Variants in SOX5 observed in about 807,000 individuals in gnomAD.
The protein encoded by SOX5 is transcription factor SOX-5.
In SOX5, 9 loss-of-function variants were observed where a neutral mutation model predicts 92.0. The ratio of observed to expected loss-of-function variants is 0.10; its 90% confidence interval spans 0.06 to 0.17. The LOEUF (loss-of-function observed/expected upper bound fraction) is 0.17, where lower values mean the gene tolerates loss of function less well. SOX5 is among the 10% of genes least tolerant of loss of function. The pLI, the probability that SOX5 is intolerant of heterozygous loss-of-function variation, is 1.00. For synonymous variants in SOX5, 344 were observed against 336.3 expected (o/e 1.02, Z -0.25); for missense variants, 642 against 944.5 (o/e 0.68, Z 4.20).
chr12:24,306,073 G>A (rs946905265), intron 2 of SOX5, among the ~76,000 whole-genome samples: 1 of 152,156 alleles, frequency 6.6e-6, no homozygotes, highest in Non-Finnish European at 1.5e-5. Flanking sequence ...TTCAGCAGGT[G>A]CAAATTGTGT....
intron 2 of SOX5, among the ~76,000 whole-genome samples, chr12:24,318,229 A>G (rs796915418): frequency 8.5e-5 from 13 of 152,232 alleles, no homozygotes; most frequent in African/African-American, 2.6e-4. Context: ...ATAAAATAAA[A>G]TAAAACAAAT....
chr12:23,696,040 T>C (rs1392035779), intron 6 of SOX5, among the ~76,000 whole-genome samples: 2 of 151,576 alleles, frequency 1.3e-5, no homozygotes, highest in Non-Finnish European at 2.9e-5. Flanking sequence ...TTCTTATATA[T>C]TGCTGGACTT....
At chr12:23,937,408 T>C (rs562903018) in intron 1 of SOX5, among the ~76,000 whole-genome samples, 50 of 151,050 alleles carry the variant, frequency 3.3e-4, no homozygotes, top group African/African-American at 1.2e-3. Context: ...TTCCTATCCA[T>C]AGCATGATTT....
intron 4 of SOX5, among the ~76,000 whole-genome samples, chr12:24,103,148 A>T (rs1174794651): frequency 1.3e-5 from 2 of 152,222 alleles, no homozygotes; most frequent in Non-Finnish European, 2.9e-5. Context: ...AAATTAAAGT[A>T]TGCCTCTAAT....
intron 1 of SOX5, among the ~76,000 whole-genome samples, chr12:23,910,493 T>G (rs184905036): frequency 6.6e-6 from 1 of 152,158 alleles, no homozygotes; most frequent in Non-Finnish European, 1.5e-5. Flanking sequence ...TATGCTGACA[T>G]TATTTATAGA....
intron 4 of SOX5, among the ~76,000 whole-genome samples, chr12:23,960,820 G>C (rs1946848139): frequency 6.6e-6 from 1 of 151,892 alleles, no homozygotes; most frequent in Admixed American, 6.6e-5. Flanking sequence ...CTTCAGAAAG[G>C]CACACAGAAA....
At chr12:24,262,012 A>G (rs965232829) in intron 3 of SOX5, among the ~76,000 whole-genome samples, 3 of 152,220 alleles carry the variant, frequency 2.0e-5, no homozygotes, top group African/African-American at 7.2e-5. Context: ...GGAGACTTCA[A>G]ATTTGGCACC....
At chr12:24,052,207 G>A (rs1459312905) in intron 4 of SOX5, among the ~76,000 whole-genome samples, 6 of 152,008 alleles carry the variant, frequency 3.9e-5, no homozygotes, top group Admixed American at 2.0e-4. Context: ...CCAGAGAATA[G>A]GAATCAAACT....
At chr12:23,847,545 T>C (rs1280184224) in intron 2 of SOX5, among the ~76,000 whole-genome samples, 2 of 152,112 alleles carry the variant, frequency 1.3e-5, no homozygotes, top group Non-Finnish European at 2.9e-5. Context: ...TAAAAATAGA[T>C]ACGTCAACAC....
chr12:24,439,734 A>C (rs958224507), intron 1 of SOX5, among the ~76,000 whole-genome samples: 2 of 152,044 alleles, frequency 1.3e-5, no homozygotes, highest in African/African-American at 4.8e-5. Flanking sequence ...CTCTACTAAA[A>C]ATGAAAAAAA....
At chr12:23,744,647 A>T (rs930038897) in intron 4 of SOX5, among the ~76,000 whole-genome samples, 1 of 152,200 alleles carries the variant, frequency 6.6e-6, no homozygotes, top group Non-Finnish European at 1.5e-5. Flanking sequence ...AAATAATGAT[A>T]AAAGTGTATA....
chr12:23,530,818 T>TGTGTGC lies in SOX5; in HGVS notation c.*3400_*3401insGCACAC. The stretch of plus-strand genomic sequence containing the variant: ...GGGCAAGTGTGTGTGTGTGTGTGTG[T>TGTGTGC]GCGCGCGCGCGCGCGCGCATGTGAG... On this transcript the variant is annotated 3_prime_UTR_variant, in exon 15 of 15. Coordinates refer to ENST00000451604, the MANE Select transcript of SOX5 (RefSeq NM_006940.6). 2 of 132,050 alleles carry TGTGTGC rather than the reference T, an allele frequency of 1.5e-5. No individual in the cohort carries two copies. The highest frequency in any genetic ancestry group is 3.3e-5 in the Non-Finnish European group (2 of 60,786). The allele number at this position is 132,050 out of a possible 1,614,324, so 8.2% of individuals were successfully genotyped here.
At chr12:24,485,462 G>A (rs550795771) in intron 1 of SOX5, among the ~76,000 whole-genome samples, 55 of 152,286 alleles carry the variant, frequency 3.6e-4, no homozygotes, top group African/African-American at 1.2e-3. Flanking sequence ...TTTTAGTGAT[G>A]TACGGGAAAA....
intron 4 of SOX5, among the ~76,000 whole-genome samples, chr12:24,179,657 T>C (rs1955245394): frequency 6.6e-6 from 1 of 152,238 alleles, no homozygotes; most frequent in South Asian, 2.1e-4. Context: ...CAACACTTTA[T>C]TTGAAAAGGC....
chr12:24,335,035 G>C (rs1174483162), intron 2 of SOX5, among the ~76,000 whole-genome samples: 1 of 151,524 alleles, frequency 6.6e-6, no homozygotes, highest in African/African-American at 2.4e-5. Context: ...TATGAAAATA[G>C]TTCTTTCACC....
At chr12:24,201,002 C>T (rs1219943318) in intron 4 of SOX5, among the ~76,000 whole-genome samples, 1 of 152,176 alleles carries the variant, frequency 6.6e-6, no homozygotes, top group African/African-American at 2.4e-5. Context: ...CTCCACCTCC[C>T]TGGTCAGGGA....
intron 2 of SOX5, among the ~76,000 whole-genome samples, chr12:24,289,453 C>CTT (rs71063303): frequency 1.0e-5 from 1 of 98,472 alleles, no homozygotes; most frequent in African/African-American, 4.3e-5. Flanking sequence ...ACATTTGTAT[C>CTT]TTTTTTTTTT....
Position 23,532,508 on chromosome 12 carries a change from T to A in SOX5, c.*1711A>T, listed in dbSNP as rs550262237. 1 of 152,378 alleles carries A rather than the reference T, an allele frequency of 6.6e-6. No individual in the cohort carries two copies. Among genetic ancestry groups the A allele is most frequent in the Non-Finnish European group, 1.5e-5 (1 of 68,072 alleles). The allele number at this position is 152,378 out of a possible 1,614,324, so 9.4% of individuals were successfully genotyped here. Reference sequence around the variant, plus strand: ...ATTTGTACAGGCCCTACAACTGCCTTGGCATTTGGCTGGCAAAATCTACAT... The same window carrying A: ...ATTTGTACAGGCCCTACAACTGCCTAGGCATTTGGCTGGCAAAATCTACAT... On this transcript the variant is annotated 3_prime_UTR_variant, in exon 15 of 15. Coordinates refer to ENST00000451604, the MANE Select transcript of SOX5 (RefSeq NM_006940.6).
intron 3 of SOX5, among the ~76,000 whole-genome samples, chr12:23,775,961 G>A (rs572744462): frequency 1.1e-4 from 17 of 152,300 alleles, no homozygotes; most frequent in Non-Finnish European, 2.1e-4. Context: ...GGCAGGGGGA[G>A]GGGAGTGGGG....
Sources: allele counts gnomAD v4.1 joint callset (sites outside exome capture counted in the v4.1 genomes callset), GRCh38; gene constraint gnomAD v4.1.1; transcripts MANE v1.5; gene names NCBI Gene and HGNC (gene_info 2026-07-23, HGNC 2026-07-21).